Variants in ADAMTS12 observed in about 807,000 individuals in gnomAD.
ADAMTS12 encodes ADAM metallopeptidase with thrombospondin type 1 motif 12, also known as A disintegrin and metalloproteinase with thrombospondin motifs 12.
A neutral mutation model predicts 167.8 loss-of-function variants in ADAMTS12; 118 were observed. The observed-to-expected ratio is 0.70, with a 90% confidence interval of 0.61 to 0.82. The LOEUF (loss-of-function observed/expected upper bound fraction) is 0.82. ADAMTS12 is among the 40% of genes least tolerant of loss of function. The pLI, the probability that ADAMTS12 is intolerant of heterozygous loss-of-function variation, is 0.00. For synonymous variants in ADAMTS12, 704 were observed against 716.9 expected (o/e 0.98, Z 0.29); for missense variants, 1,916 against 1,998.8 (o/e 0.96, Z 0.79).
At chr5:33,529,320 C>G (rs1287960233) in intron 23 of ADAMTS12, among the ~76,000 whole-genome samples, 2 of 152,190 alleles carry the variant, frequency 1.3e-5, no homozygotes, top group African/African-American at 4.8e-5. Flanking sequence ...GGGACCACCC[C>G]CACACATTTG....
intron 3 of ADAMTS12, among the ~76,000 whole-genome samples, chr5:33,701,959 C>T (rs751900830): frequency 3.3e-5 from 5 of 152,196 alleles, no homozygotes; most frequent in Admixed American, 6.5e-5. Context: ...TTAATGAGAA[C>T]TTAAAGGAGA....
At chr5:33,573,731 C>A in intron 19 of ADAMTS12, among the ~76,000 whole-genome samples, 1 of 152,074 alleles carries the variant, frequency 6.6e-6, no homozygotes, top group East Asian at 1.9e-4. Flanking sequence ...GCAACAAAAG[C>A]CAAAATTGAC....
intron 1 of ADAMTS12, among the ~76,000 whole-genome samples, chr5:33,890,905 G>A (rs16891883): frequency 0.021 from 3,228 of 152,246 alleles, 109 homozygotes; most frequent in African/African-American, 0.074. Flanking sequence ...TATTGCCAGT[G>A]ATCGGATGGG....
chr5:33,816,154 T>C (rs993226133), intron 2 of ADAMTS12, among the ~76,000 whole-genome samples: 1 of 150,426 alleles, frequency 6.6e-6, no homozygotes, highest in African/African-American at 2.5e-5. Flanking sequence ...CTGATTATAT[T>C]TTCCTCACCT....
At chr5:33,590,591 A>G (rs1227364857) in intron 17 of ADAMTS12, among the ~76,000 whole-genome samples, 3 of 152,180 alleles carry the variant, frequency 2.0e-5, no homozygotes, top group South Asian at 2.1e-4. Context: ...TGAACCTCCA[A>G]TCTTGGCCAT....
At chr5:33,766,743 T>C (rs1265145807) in intron 2 of ADAMTS12, among the ~76,000 whole-genome samples, 2 of 152,120 alleles carry the variant, frequency 1.3e-5, no homozygotes, top group Non-Finnish European at 2.9e-5. Flanking sequence ...AGAAAGTTGA[T>C]CCCAATCAAA....
At chr5:33,664,897 T>C (rs773375511) in intron 5 of ADAMTS12, among the ~76,000 whole-genome samples, 1 of 152,094 alleles carries the variant, frequency 6.6e-6, no homozygotes, top group African/African-American at 2.4e-5. Flanking sequence ...TAAGTGCCCA[T>C]AGACTGATGA....
At position 33,543,236 on chromosome 5, in the gene ADAMTS12, T is replaced by A. The variant is rs532721110; in HGVS notation, c.4446+2823A>T. Among the ~76,000 whole-genome samples, 5 of 152,158 alleles carry A rather than the reference T, an allele frequency of 3.3e-5. No homozygotes were observed. The East Asian group carries it at 9.7e-4, about 29-fold the overall frequency. On this transcript the variant is annotated intron_variant, in intron 22 of 23. Transcript: ENST00000504830. Reference sequence around the variant, plus strand: ...ACCATCAGAGAATACTATAAACACCTCTATGAAAATAAACTGGAAAACCCA... The same window carrying A: ...ACCATCAGAGAATACTATAAACACCACTATGAAAATAAACTGGAAAACCCA...
intron 3 of ADAMTS12, among the ~76,000 whole-genome samples, chr5:33,696,908 G>A (rs922113902): frequency 1.3e-5 from 2 of 152,118 alleles, no homozygotes; most frequent in African/African-American, 4.8e-5. Flanking sequence ...AATGTGAAAT[G>A]CTGTTCTCCA....
At chr5:33,600,706 G>T (rs1017386529) in intron 16 of ADAMTS12, among the ~76,000 whole-genome samples, 5 of 152,122 alleles carry the variant, frequency 3.3e-5, no homozygotes, top group African/African-American at 1.2e-4. Context: ...ATTTAAGTGA[G>T]AATGATACCA....
chr5:33,630,733 A>C (rs1739881274), intron 13 of ADAMTS12, 47 bp downstream of exon 13: 1 of 1,568,718 alleles, frequency 6.4e-7, no homozygotes, highest in Non-Finnish European at 8.7e-7. Context: ...AAATTAGTAA[A>C]AGTCATGATT....
intron 1 of ADAMTS12, 115 bp from the exon 2 acceptor site, chr5:33,881,595 CTT>C (rs1181977669): frequency 1.5e-5 from 21 of 1,427,452 alleles, no homozygotes; most frequent in African/African-American, 7.3e-5. Context: ...GAGTTTTGCT[CTT>C]GTTTCCCAGG....
chr5:33,537,597 G>A (rs17566960), intron 22 of ADAMTS12, among the ~76,000 whole-genome samples: 4,386 of 152,320 alleles, frequency 0.029, 111 homozygotes, highest in Middle Eastern at 0.054. Flanking sequence ...GATAGTTGCT[G>A]AAATTGTATC....
intron 2 of ADAMTS12, among the ~76,000 whole-genome samples, chr5:33,821,041 T>C (rs1368689251): frequency 6.6e-6 from 1 of 151,986 alleles, no homozygotes; most frequent in Non-Finnish European, 1.5e-5. Context: ...AATACCTGGG[T>C]CGTGAAATAA....
intron 16 of ADAMTS12, among the ~76,000 whole-genome samples, chr5:33,602,833 C>G (rs1438158829): frequency 1.3e-5 from 2 of 152,196 alleles, no homozygotes; most frequent in Non-Finnish European, 2.9e-5. Context: ...TAATTTATTT[C>G]CAATGAATGT....
intron 2 of ADAMTS12, among the ~76,000 whole-genome samples, chr5:33,786,322 G>A (rs141782415): frequency 6.6e-6 from 1 of 152,104 alleles, no homozygotes; most frequent in African/African-American, 2.4e-5. Context: ...CCTCAATAAG[G>A]CTGTTAAAAA....
chr5:33,832,598 T>C (rs1748342049), intron 2 of ADAMTS12, among the ~76,000 whole-genome samples: 1 of 152,194 alleles, frequency 6.6e-6, no homozygotes, highest in Admixed American at 6.5e-5. Context: ...ACGTGTACAA[T>C]TTCTACCATC....
At chr5:33,531,856 T>C (rs115482615) in intron 23 of ADAMTS12, among the ~76,000 whole-genome samples, 1,862 of 152,162 alleles carry the variant, frequency 0.012, 37 homozygotes, top group African/African-American at 0.043. Context: ...TTTTTGAGAG[T>C]GGGGGACCGG....
intron 14 of ADAMTS12, among the ~76,000 whole-genome samples, chr5:33,618,716 C>G (rs1739153346): frequency 6.6e-6 from 1 of 152,180 alleles, no homozygotes; most frequent in African/African-American, 2.4e-5. Context: ...TCTTGAAACC[C>G]TTCACCCCTG....
Sources: gnomAD v4.1 joint callset for allele counts (sites outside exome capture counted in the v4.1 genomes callset) on GRCh38, gnomAD v4.1.1 for gene constraint, MANE v1.5 for transcripts, NCBI Gene and HGNC (gene_info 2026-07-23, HGNC 2026-07-21) for gene names.